Variants in GLI2 observed in about 807,000 individuals in gnomAD.
GLI2 encodes the protein transcription activator GLI2.
A neutral mutation model predicts 78.9 loss-of-function variants in GLI2; 22 were observed. The ratio of observed to expected loss-of-function variants is 0.28; its 90% confidence interval spans 0.20 to 0.40. The LOEUF is 0.40. Among genes scored for constraint, GLI2 ranks in the 10% least tolerant of loss-of-function variants. The pLI, the probability that GLI2 is intolerant of heterozygous loss-of-function variation, is 1.00. For missense variants in GLI2, 2,097 were observed against 2,213.2 expected, an observed-to-expected ratio of 0.95 and a Z score of 1.05; for synonymous variants, 974 against 963.7, an observed-to-expected ratio of 1.01 and a Z score of -0.20.
Position 120,806,489 on chromosome 2 carries a change from G to A in GLI2, c.148+9021G>A, listed in dbSNP as rs537264267. On this transcript the variant is annotated intron_variant, in intron 2 of 13. Coordinates refer to ENST00000361492, the MANE Select transcript of GLI2 (RefSeq NM_001374353.1). Reference sequence around the variant, plus strand: ...CCTGGGGACATTCGGGGTTCCACCAGGTGGAAAGAGGAAAGGGTGGGTGGG... The same window carrying A: ...CCTGGGGACATTCGGGGTTCCACCAAGTGGAAAGAGGAAAGGGTGGGTGGG... 3.3e-5 allele frequency among the ~76,000 whole-genome samples: 5 copies of A among 152,292 alleles called. No individual in the cohort carries two copies. In the South Asian group the frequency reaches 1.0e-3, roughly 32 times the overall value.
chr2:120,962,556 C>T (rs931761392), intron 5 of GLI2, among the ~76,000 whole-genome samples: 3 of 152,170 alleles, frequency 2.0e-5, no homozygotes, highest in Admixed American at 1.3e-4. Context: ...TGTTGGCGTC[C>T]GCCCAGGTGA....
In GLI2 at chr2:120,736,065, C is replaced by T. The variant is rs962062180; in HGVS notation, c.-251C>T. ...TGGGCCGCGCGGCGCGCCGCAGCCTCGGGGAGCCGCCTGCTCGCCGGCGGT... is the reference window on the plus strand; with the variant it reads ...TGGGCCGCGCGGCGCGCCGCAGCCTTGGGGAGCCGCCTGCTCGCCGGCGGT... On this transcript the variant is annotated 5_prime_UTR_variant, in exon 1 of 14. Coordinates refer to ENST00000361492, the MANE Select transcript of GLI2 (RefSeq NM_001374353.1). Among the ~76,000 whole-genome samples, 1 of 151,058 alleles carries T rather than the reference C, an allele frequency of 6.6e-6. No individual in the cohort carries two copies. The highest frequency in any genetic ancestry group is 2.1e-4 in the South Asian group (1 of 4,778).
At chr2:120,983,531 C>T (rs922074828) in intron 11 of GLI2, among the ~76,000 whole-genome samples, 2 of 152,220 alleles carry the variant, frequency 1.3e-5, no homozygotes, top group African/African-American at 4.8e-5. Context: ...GGCCTGTTGG[C>T]TTGGGCAGCC....
intron 2 of GLI2, among the ~76,000 whole-genome samples, chr2:120,822,369 G>A (rs367574184): frequency 3.3e-5 from 5 of 152,320 alleles, no homozygotes; most frequent in South Asian, 2.1e-4. Flanking sequence ...TTTCAGAAGC[G>A]TGTTAGGAAA....
At chr2:120,864,201 G>C (rs1688025006) in intron 2 of GLI2, among the ~76,000 whole-genome samples, 1 of 152,224 alleles carries the variant, frequency 6.6e-6, no homozygotes, top group Non-Finnish European at 1.5e-5. Flanking sequence ...AGACGGGAGG[G>C]CTGCTTCCAG....
intron 2 of GLI2, among the ~76,000 whole-genome samples, chr2:120,840,786 C>T (rs1345232166): frequency 1.3e-5 from 2 of 152,312 alleles, no homozygotes; most frequent in East Asian, 3.9e-4. Context: ...ATGCAGCGAT[C>T]CCATGGCCTT....
chr2:120,786,922 G>A (rs950646631), intron 1 of GLI2, among the ~76,000 whole-genome samples: 2 of 152,236 alleles, frequency 1.3e-5, no homozygotes, highest in African/African-American at 4.8e-5. Flanking sequence ...GCTCGGAGAA[G>A]AAGAGGATTC....
chr2:120,865,899 C>T (rs892913718), intron 2 of GLI2, among the ~76,000 whole-genome samples: 1 of 152,234 alleles, frequency 6.6e-6, no homozygotes, highest in Non-Finnish European at 1.5e-5. Context: ...CCTGGCACCC[C>T]CCCTGTTCAA....
chr2:120,843,307 T>TA (rs1215103975), intron 2 of GLI2, among the ~76,000 whole-genome samples: 1 of 152,138 alleles, frequency 6.6e-6, no homozygotes, highest in African/African-American at 2.4e-5. Flanking sequence ...CAAGATCCCA[T>TA]AGGCAGGATC....
chr2:120,970,458 G>A lies in GLI2; in HGVS notation c.911G>A (p.Arg304Lys), dbSNP rs765528898. The A allele has an allele frequency of 1.5e-5, 24 of 1,613,800 alleles. No individual in the cohort carries two copies. The highest frequency in any genetic ancestry group is 1.9e-5 in the Non-Finnish European group (23 of 1,179,936). ...TACCAGCAGATTCTGAGCCAGCAGA[G>A]GGGTCTGGGGTCAGCCTTTGGACAC... ...VAYQQILSQQ[R>K]GLGSAFGHTP... The change falls in exon 7 of 14, where the codon AGG (arginine) becomes AAG (lysine). Residue 304 changes from arginine (R) to lysine (K), a missense_variant. Coordinates refer to ENST00000361492, the MANE Select transcript of GLI2 (RefSeq NM_001374353.1).
chr2:120,771,537 GAA>G (rs72502183), intron 1 of GLI2, among the ~76,000 whole-genome samples: 103,214 of 151,986 alleles, frequency 0.68, 36,678 homozygotes, highest in African/African-American at 0.91. Context: ...TGTGAAGACA[GAA>G]GATGTTTCTG....
chr2:120,988,054 A>G (rs1683060914), intron 13 of GLI2, among the ~76,000 whole-genome samples, 154 bp from the exon 14 acceptor site: 1 of 152,160 alleles, frequency 6.6e-6, no homozygotes, highest in South Asian at 2.1e-4. Context: ...CCTGTCTCTA[A>G]AAAGAGAAAG....
rs1265150021 is a variant in GLI2, at chr2:120,988,785, C to A, written c.2820C>A (p.Phe940Leu). ...GHGHAGAAPAFPHEAPGGGAR... is the reference protein window; with the variant it reads ...GHGHAGAAPALPHEAPGGGAR... ...GCCACGCGGGGGCTGCGCCCGCCTTCCCCCACGAGGCTCCAGGCGGCGGAG... is the reference window on the plus strand; with the variant it reads ...GCCACGCGGGGGCTGCGCCCGCCTTACCCCACGAGGCTCCAGGCGGCGGAG... Residue 940 changes from phenylalanine to leucine, a missense_variant, in exon 14 of 14, where the codon TTC (phenylalanine) becomes TTA (leucine). Coordinates refer to ENST00000361492, the MANE Select transcript of GLI2 (RefSeq NM_001374353.1). 1 of 1,347,536 alleles carries A rather than the reference C, an allele frequency of 7.4e-7. No individual in the cohort carries two copies. The highest frequency in any genetic ancestry group is 9.5e-7 in the Non-Finnish European group (1 of 1,049,958). The allele number at this position is 1,347,536 out of a possible 1,614,324, so 83.5% of individuals were successfully genotyped here. A position where few individuals can be genotyped will look rare whatever the true frequency, so the allele number is the denominator to read the frequency against.
chr2:120,932,179 C>T (rs1397974510), intron 3 of GLI2, among the ~76,000 whole-genome samples: 1 of 152,212 alleles, frequency 6.6e-6, no homozygotes, highest in Non-Finnish European at 1.5e-5. Flanking sequence ...GCTCGCTTCT[C>T]CCTGCCAGCA....
chr2:120,902,151 G>C (rs1678290125), intron 2 of GLI2, among the ~76,000 whole-genome samples: 2 of 151,538 alleles, frequency 1.3e-5, no homozygotes, highest in Admixed American at 1.3e-4. Flanking sequence ...TTTACACCAT[G>C]GAAATTGGCA....
intron 2 of GLI2, among the ~76,000 whole-genome samples, chr2:120,826,327 C>T (rs189098765): frequency 3.9e-5 from 6 of 152,350 alleles, no homozygotes; most frequent in Admixed American, 3.9e-4. Flanking sequence ...TTTACATTTA[C>T]TCGTGCCTCC....
intron 1 of GLI2, among the ~76,000 whole-genome samples, chr2:120,743,836 C>T (rs1005748525): frequency 1.3e-5 from 2 of 152,204 alleles, no homozygotes; most frequent in African/African-American, 4.8e-5. Flanking sequence ...CACTGGACAG[C>T]CATCTCTAAG....
At chr2:120,909,309 C>T (rs1328526131) in intron 2 of GLI2, among the ~76,000 whole-genome samples, 1 of 152,028 alleles carries the variant, frequency 6.6e-6, no homozygotes, top group Non-Finnish European at 1.5e-5. Context: ...CTACTGTCTC[C>T]CTCCCCACCA....
At chr2:120,875,367 TC>T (rs1390908765) in intron 2 of GLI2, among the ~76,000 whole-genome samples, 1 of 152,214 alleles carries the variant, frequency 6.6e-6, no homozygotes, top group Non-Finnish European at 1.5e-5. Flanking sequence ...GCCTAGGGAT[TC>T]AAGCTCTGGG....
Sources: gnomAD v4.1 joint callset for allele counts (sites outside exome capture counted in the v4.1 genomes callset) on GRCh38, gnomAD v4.1.1 for gene constraint, MANE v1.5 for transcripts, NCBI Gene and HGNC (gene_info 2026-07-23, HGNC 2026-07-21) for gene names.